Variants in LRMDA observed in about 807,000 individuals in gnomAD.
LRMDA encodes the protein leucine rich melanocyte differentiation associated.
In LRMDA, 18 loss-of-function variants were observed where a neutral mutation model predicts 29.8. That is an observed-to-expected ratio of 0.60 (90% CI 0.42 to 0.90). The LOEUF is 0.90. Among genes scored for constraint, LRMDA ranks in the 40% least tolerant of loss-of-function variants. The pLI, the probability that LRMDA is intolerant of heterozygous loss-of-function variation, is 0.00. For synonymous variants in LRMDA, 125 were observed against 109.4 expected (o/e 1.14, Z -0.89); for missense variants, 273 against 273.9 (o/e 1.00, Z 0.02).
chr10:76,530,022 A>T (rs897716986), intron 6 of LRMDA, among the ~76,000 whole-genome samples: 3 of 152,126 alleles, frequency 2.0e-5, no homozygotes, highest in Non-Finnish European at 2.9e-5. Context: ...AAGAGTGTCT[A>T]CCACACACCT....
At chr10:75,711,834 G>A (rs897945397) in intron 2 of LRMDA, among the ~76,000 whole-genome samples, 9 of 151,946 alleles carry the variant, frequency 5.9e-5, no homozygotes, top group African/African-American at 1.9e-4. Flanking sequence ...CCCCCACCCC[G>A]TGAAATGTTT....
Position 75,453,354 on chromosome 10 carries a change from G to A in LRMDA, c.131+14860G>A, listed in dbSNP as rs142174541. Reference sequence around the variant, plus strand: ...TGAATTTCATAGCAAACATGAGTGGGGAAAAACATAGGTTGATGGCACAGG... The same window carrying A: ...TGAATTTCATAGCAAACATGAGTGGAGAAAAACATAGGTTGATGGCACAGG... On this transcript the variant is annotated intron_variant, in intron 2 of 6. Coordinates refer to ENST00000611255, the MANE Select transcript of LRMDA (RefSeq NM_001305581.2). Among the ~76,000 whole-genome samples, 1,352 of 152,192 alleles carry A rather than the reference G, an allele frequency of 8.9e-3. 6 individuals are homozygous for A. The highest frequency in any genetic ancestry group is 0.017 in the Middle Eastern group (5 of 294).
chr10:75,438,588 T>A, intron 2 of LRMDA, 94 bp downstream of exon 2: 1 of 900,480 alleles, frequency 1.1e-6, no homozygotes, highest in Non-Finnish European at 1.8e-6. Context: ...ATGTTCCAAC[T>A]CCACATGGGT....
intron 2 of LRMDA, among the ~76,000 whole-genome samples, chr10:75,677,573 A>G (rs1051389348): frequency 1.3e-5 from 2 of 152,172 alleles, no homozygotes; most frequent in Non-Finnish European, 2.9e-5. Context: ...CAGATATGGG[A>G]ACTGAAGACT....
At chr10:75,910,732 T>C (rs1412891327) in intron 2 of LRMDA, among the ~76,000 whole-genome samples, 2 of 152,186 alleles carry the variant, frequency 1.3e-5, no homozygotes, top group Non-Finnish European at 2.9e-5. Flanking sequence ...CTTTTAGCCA[T>C]GTTGCTTGAG....
At chr10:76,289,289 G>C (rs1840309987) in intron 5 of LRMDA, among the ~76,000 whole-genome samples, 1 of 152,272 alleles carries the variant, frequency 6.6e-6, no homozygotes, top group Middle Eastern at 3.4e-3. Flanking sequence ...TTTTTAATAT[G>C]TACAGACAGA....
At chr10:76,376,019 A>G (rs1841512869) in intron 6 of LRMDA, among the ~76,000 whole-genome samples, 1 of 152,080 alleles carries the variant, frequency 6.6e-6, no homozygotes, top group East Asian at 1.9e-4. Flanking sequence ...TTTAATAGAC[A>G]TGAGGGTACA....
At chr10:75,693,762 G>C (rs1842199067) in intron 2 of LRMDA, among the ~76,000 whole-genome samples, 1 of 152,110 alleles carries the variant, frequency 6.6e-6, no homozygotes, top group African/African-American at 2.4e-5. Flanking sequence ...AAATATCAGG[G>C]AGTCATTTAT....
chr10:75,982,176 ACT>A (rs1032614254), intron 2 of LRMDA, among the ~76,000 whole-genome samples: 1 of 151,906 alleles, frequency 6.6e-6, no homozygotes, highest in Admixed American at 6.6e-5. Flanking sequence ...TTTATTGAAG[ACT>A]CTCTACAAAC....
In LRMDA at chr10:76,036,081, C is replaced by A. The variant is rs1182282911; in HGVS notation, c.205C>A (p.Leu69Ile). The A allele has an allele frequency of 1.2e-6, 2 of 1,614,122 alleles. No homozygotes were observed. The highest frequency in any genetic ancestry group is 2.2e-5 in the South Asian group (2 of 91,074). ...GGACAACAATCAGCTGGGGGACGAC[C>A]TTGTGTTGCCAGGGTTACCCAGACT... ...ILDNNQLGDDLVLPGLPRLHT... is the reference protein window; with the variant it reads ...ILDNNQLGDDIVLPGLPRLHT... Residue 69 changes from leucine (L) to isoleucine (I), a missense_variant, in exon 3 of 7, where the codon CTT becomes ATT. By Grantham distance (5) the Leu-to-Ile change is conservative (BLOSUM62 2). Transcript: ENST00000611255.
intron 6 of LRMDA, among the ~76,000 whole-genome samples, chr10:76,519,493 G>C (rs912709547): frequency 2.8e-4 from 43 of 152,130 alleles, no homozygotes; most frequent in African/African-American, 9.7e-4. Context: ...AGACTGTCCT[G>C]CAGAGACAAA....
chr10:76,556,757 C>T (rs1189532695), intron 6 of LRMDA, among the ~76,000 whole-genome samples: 1 of 152,158 alleles, frequency 6.6e-6, no homozygotes, highest in Non-Finnish European at 1.5e-5. Flanking sequence ...TGGAAGTCAA[C>T]AACATTGCTT....
chr10:76,101,719 A>C (rs1849397384), intron 5 of LRMDA, among the ~76,000 whole-genome samples: 2 of 148,648 alleles, frequency 1.3e-5, no homozygotes, highest in African/African-American at 5.0e-5. Flanking sequence ...CTGGGCAACG[A>C]GATTGAGACT....
intron 6 of LRMDA, among the ~76,000 whole-genome samples, chr10:76,527,728 A>C (rs1843192640): frequency 6.6e-6 from 1 of 152,188 alleles, no homozygotes; most frequent in Non-Finnish European, 1.5e-5. Context: ...AATTATTATA[A>C]TCATTCATGG....
chr10:75,793,501 G>A (rs1181963575), intron 2 of LRMDA, among the ~76,000 whole-genome samples: 1 of 152,146 alleles, frequency 6.6e-6, no homozygotes, highest in Non-Finnish European at 1.5e-5. Flanking sequence ...GTTTAATTGT[G>A]GTAGTCATTA....
At chr10:75,489,952 A>C (rs1336433952) in intron 2 of LRMDA, among the ~76,000 whole-genome samples, 1 of 152,114 alleles carries the variant, frequency 6.6e-6, no homozygotes, top group Non-Finnish European at 1.5e-5. Flanking sequence ...TTCTCATTTA[A>C]CTCTTAGAAC....
intron 1 of LRMDA, among the ~76,000 whole-genome samples, chr10:75,437,088 T>C (rs1399287724): frequency 6.6e-6 from 1 of 152,204 alleles, no homozygotes; most frequent in Non-Finnish European, 1.5e-5. Flanking sequence ...AGAGTGGATA[T>C]AGGATATTGC....
chr10:76,153,732 T>C (rs977451851), intron 5 of LRMDA, among the ~76,000 whole-genome samples: 1 of 152,210 alleles, frequency 6.6e-6, no homozygotes, highest in Non-Finnish European at 1.5e-5. Context: ...TGAGAACCAA[T>C]GTCATTCCCT....
At chr10:76,429,552 G>A (rs1291980392) in intron 6 of LRMDA, among the ~76,000 whole-genome samples, 4 of 151,980 alleles carry the variant, frequency 2.6e-5, no homozygotes, top group Non-Finnish European at 5.9e-5. Context: ...GAAGATGACA[G>A]GGATGACGGG....
Sources: gnomAD v4.1 joint callset for allele counts (sites outside exome capture counted in the v4.1 genomes callset) on GRCh38, gnomAD v4.1.1 for gene constraint, MANE v1.5 for transcripts, NCBI Gene and HGNC (gene_info 2026-07-23, HGNC 2026-07-21) for gene names.